BAG3: variants seen among roughly 807,000 people sequenced by gnomAD.
The protein encoded by BAG3 is BAG family molecular chaperone regulator 3.
A neutral mutation model predicts 40.5 loss-of-function variants in BAG3; 14 were observed. The observed-to-expected ratio is 0.35, with a 90% CI of 0.23 to 0.54. The LOEUF (loss-of-function observed/expected upper bound fraction) is 0.54, where lower values mean the gene tolerates loss of function less well. Ranked by LOEUF, BAG3 falls within the 20% of genes least tolerant of loss-of-function variation. The pLI is 0.91. For missense variants in BAG3, 788 were observed against 758.6 expected (o/e 1.04, Z -0.46); for synonymous variants, 302 against 307.8 (o/e 0.98, Z 0.20).
At chr10:119,662,739 G>T (rs1480794855) in intron 1 of BAG3, among the ~76,000 whole-genome samples, 1 of 152,134 alleles carries the variant, frequency 6.6e-6, no homozygotes, top group African/African-American at 2.4e-5. Context: ...ACCTGGCCAG[G>T]CGTGGTGGCT....
intron 3 of BAG3, among the ~76,000 whole-genome samples, chr10:119,673,222 A>G (rs1008615473): frequency 1.3e-5 from 2 of 152,240 alleles, no homozygotes; most frequent in African/African-American, 4.8e-5. Flanking sequence ...ATGATGCCTC[A>G]TATGAGTCCC....
chr10:119,672,201 C>T lies in BAG3; in HGVS notation c.508-54C>T. ...ACAGCAGAAGGCGTGGTCAGGATGC[C>T]AAGCCAGGGGAGTCATTTGTGGGGT... On this transcript the variant is annotated intron_variant, in intron 2 of 3. Transcript: ENST00000369085. The surrounding 1 kb of genome is among the most constrained non-coding windows in gnomAD (Gnocchi z 4.8). 1 of 1,606,568 alleles carries T rather than the reference C, an allele frequency of 6.2e-7. No individual in the cohort carries two copies. The highest frequency in any genetic ancestry group is 8.5e-7 in the Non-Finnish European group (1 of 1,179,518).
chr10:119,675,796 T>TCCCTTCCCCCCC (rs1847214630), intron 3 of BAG3, among the ~76,000 whole-genome samples: 1 of 16,796 alleles, frequency 6.0e-5, no homozygotes, highest in Non-Finnish European at 1.3e-4. Context: ...CCTTCCCCCC[T>TCCCTTCCCCCCC]TCCCCTTCCC....
rs1847249459 is a variant in BAG3, at chr10:119,677,090, C to T, written c.1536C>T (p.Pro512=). 1 of 1,614,156 alleles carries T rather than the reference C, an allele frequency of 6.2e-7. No homozygotes were observed. The highest frequency in any genetic ancestry group is 1.3e-5 in the African/African-American group (1 of 75,040). ...PGQVQVYELQ[P]SNLEADQPLQ... ...AAGTCCAGGTCTATGAACTCCAGCC[C>T]AGCAACCTTGAAGCAGATCAGCCAC... Residue 512 remains proline (P), a synonymous_variant, in exon 4 of 4, where the codon CCC becomes CCT. Coordinates refer to ENST00000369085, the MANE Select transcript of BAG3 (RefSeq NM_004281.4).
At chr10:119,658,838 G>A (rs144702962) in intron 1 of BAG3, among the ~76,000 whole-genome samples, 36 of 152,274 alleles carry the variant, frequency 2.4e-4, no homozygotes, top group African/African-American at 7.9e-4. Flanking sequence ...TGGTGTGTGG[G>A]AGGCGAACGT....
intron 1 of BAG3, among the ~76,000 whole-genome samples, chr10:119,660,566 C>CA (rs1846978899): frequency 6.6e-6 from 1 of 152,182 alleles, no homozygotes; most frequent in Non-Finnish European, 1.5e-5. Flanking sequence ...CTTTGTTGAA[C>CA]AGGGCGCGGT....
chr10:119,661,035 G>C (rs1369629358), intron 1 of BAG3, among the ~76,000 whole-genome samples: 3 of 152,104 alleles, frequency 2.0e-5, no homozygotes, highest in African/African-American at 7.2e-5. Context: ...AGAGGTTGTG[G>C]TGAGCCGAGA....
chr10:119,657,286 C>T (rs1846926427), intron 1 of BAG3, among the ~76,000 whole-genome samples: 1 of 152,206 alleles, frequency 6.6e-6, no homozygotes, highest in South Asian at 2.1e-4. Context: ...CAAAGCATGT[C>T]CTGCCTCTCC....
At chr10:119,661,377 AC>A (rs1334450961) in intron 1 of BAG3, among the ~76,000 whole-genome samples, 10 of 152,040 alleles carry the variant, frequency 6.6e-5, no homozygotes, top group African/African-American at 2.4e-4. Context: ...TCTTGCAAAA[AC>A]CCCTGGGAAA....
chr10:119,672,734 G>C lies in BAG3; in HGVS notation c.909+78G>C. The C allele has an allele frequency of 6.3e-7, 1 of 1,589,814 alleles. No individual in the cohort carries two copies. Among genetic ancestry groups the C allele is most frequent in the East Asian group, 2.2e-5 (1 of 44,740 alleles). ...TGCAGGAGCTCTGTGGGTGCCCTGG[G>C]TTCCCCCTTCATCCCTGCCTATTTA... On this transcript the variant is annotated intron_variant, in intron 3 of 3. Transcript: ENST00000369085. The surrounding 1 kb of genome is among the most constrained non-coding windows in gnomAD (Gnocchi z 4.8).
intron 3 of BAG3, among the ~76,000 whole-genome samples, chr10:119,674,144 A>C (rs1847188520): frequency 6.6e-6 from 1 of 152,214 alleles, no homozygotes; most frequent in Non-Finnish European, 1.5e-5. Context: ...GACGGTTTTG[A>C]AGAACACAGG....
At chr10:119,653,972 G>T (rs1167493812) in intron 1 of BAG3, among the ~76,000 whole-genome samples, 4 of 152,054 alleles carry the variant, frequency 2.6e-5, no homozygotes, top group African/African-American at 9.7e-5. Context: ...TTTGATGATG[G>T]GACTGATGAA....
intron 2 of BAG3, 82 bp downstream of exon 2, chr10:119,670,259 G>A: frequency 7.0e-7 from 1 of 1,438,412 alleles, no homozygotes. Context: ...TCAGGACAGT[G>A]CCCTGGGCCA....
intron 1 of BAG3, among the ~76,000 whole-genome samples, chr10:119,654,280 G>A (rs1026612922): frequency 6.6e-6 from 1 of 152,196 alleles, no homozygotes; most frequent in African/African-American, 2.4e-5. Flanking sequence ...CTGAGCTGAG[G>A]CCCGTCTGAG....
chr10:119,668,996 A>G (rs139653495), intron 1 of BAG3, among the ~76,000 whole-genome samples: 4 of 152,342 alleles, frequency 2.6e-5, no homozygotes, highest in East Asian at 1.9e-4. Context: ...GTTTCTGGCT[A>G]TGCTGACCAA....
intron 3 of BAG3, among the ~76,000 whole-genome samples, chr10:119,675,826 C>CCCCTTCCCTGCTT (rs1589631852): frequency 1.9e-5 from 1 of 52,446 alleles, no homozygotes; most frequent in Non-Finnish European, 4.0e-5. Flanking sequence ...GCTTCCTTCC[C>CCCCTTCCCTGCTT]CCTTCCCCCT....
At chr10:119,666,834 A>G (rs970744777) in intron 1 of BAG3, among the ~76,000 whole-genome samples, 3 of 152,164 alleles carry the variant, frequency 2.0e-5, no homozygotes, top group Non-Finnish European at 4.4e-5. Flanking sequence ...CCATACACCC[A>G]TTTACCACTG....
chr10:119,676,459 T>A lies in BAG3; in HGVS notation c.910-5T>A. ...TAAAAATATATTTTTGTGTCCTTTTTTCAGCAGCCCATGACCCATCGAGAA... is the reference window on the plus strand; with the variant it reads ...TAAAAATATATTTTTGTGTCCTTTTATCAGCAGCCCATGACCCATCGAGAA... On this transcript the variant is annotated splice_region_variant and splice_polypyrimidine_tract_variant and intron_variant, in intron 3 of 3. Transcript: ENST00000369085. The A allele has an allele frequency of 6.2e-7, 1 of 1,614,050 alleles. No individual in the cohort carries two copies. Among genetic ancestry groups the A allele is most frequent in the Non-Finnish European group, 8.5e-7 (1 of 1,179,958 alleles).
At chr10:119,666,977 C>CT (rs1157267206) in intron 1 of BAG3, among the ~76,000 whole-genome samples, 2 of 152,120 alleles carry the variant, frequency 1.3e-5, no homozygotes, top group African/African-American at 4.8e-5. Flanking sequence ...TTCACTTTTT[C>CT]TTTTTTTTCT....
Sources: allele counts gnomAD v4.1 joint callset (sites outside exome capture counted in the v4.1 genomes callset), GRCh38; gene constraint gnomAD v4.1.1; non-coding constraint Gnocchi (gnomAD v3.1); transcripts MANE v1.5; gene names NCBI Gene and HGNC (gene_info 2026-07-23, HGNC 2026-07-21).